ATP8A2: variants seen among roughly 807,000 people sequenced by gnomAD.
The protein encoded by ATP8A2 is ATPase phospholipid transporting 8A2.
A neutral mutation model predicts 165.6 loss-of-function variants in ATP8A2; 100 were observed. The observed-to-expected ratio is 0.60, with a 90% CI of 0.51 to 0.71. ATP8A2 has a LOEUF of 0.71. Ranked by LOEUF, ATP8A2 falls within the 30% of genes least tolerant of loss-of-function variation. ATP8A2 has a pLI of 0.00. For synonymous variants in ATP8A2, 543 were observed against 548.8 expected, an observed-to-expected ratio of 0.99 and a Z score of 0.15; for missense variants, 1,227 against 1,479.5, an observed-to-expected ratio of 0.83 and a Z score of 2.80.
At chr13:25,727,725 A>G (rs936245567) in intron 25 of ATP8A2, among the ~76,000 whole-genome samples, 2 of 152,180 alleles carry the variant, frequency 1.3e-5, no homozygotes, top group African/African-American at 4.8e-5. Context: ...TAGAGAAAAT[A>G]TTTTTTCAAG....
intron 33 of ATP8A2, among the ~76,000 whole-genome samples, chr13:25,883,117 G>A (rs1049527091): frequency 3.9e-5 from 6 of 152,092 alleles, no homozygotes; most frequent in Non-Finnish European, 7.4e-5. Context: ...AGTGGGGCTG[G>A]GCTCTGACCT....
chr13:25,579,857 T>G lies in ATP8A2; in HGVS notation c.1917T>G (p.Tyr639Ter). ...VAYADLSENE[Y>*]EEWLKVYQEA... ...ATGCTGATCTCTCTGAGAATGAGTA[T>G]GAGGAGTGGCTGAAAGTCTATCAGG... Residue 639 changes from tyrosine (Y) to a stop codon, truncating the protein, a stop_gained, in exon 22 of 37, where the codon TAT becomes TAG. Coordinates refer to ENST00000381655, the MANE Select transcript of ATP8A2 (RefSeq NM_016529.6). LOFTEE classifies it high-confidence loss of function. The G allele has an allele frequency of 3.1e-6, 5 of 1,613,988 alleles. No homozygotes were observed. The highest frequency in any genetic ancestry group is 4.2e-6 in the Non-Finnish European group (5 of 1,179,962).
At chr13:25,767,050 C>T (rs753280509) in intron 25 of ATP8A2, among the ~76,000 whole-genome samples, 4 of 152,154 alleles carry the variant, frequency 2.6e-5, no homozygotes, top group African/African-American at 9.7e-5. Flanking sequence ...CATACTCAGG[C>T]CTTTAACTGT....
intron 2 of ATP8A2, among the ~76,000 whole-genome samples, chr13:25,524,487 A>G (rs1439079486): frequency 1.3e-5 from 2 of 152,132 alleles, no homozygotes; most frequent in Admixed American, 6.5e-5. Flanking sequence ...ATTGTATTGC[A>G]GTCTATCTCT....
chr13:25,513,874 T>G (rs2037371059), intron 2 of ATP8A2, among the ~76,000 whole-genome samples: 3 of 151,602 alleles, frequency 2.0e-5, no homozygotes, highest in South Asian at 2.1e-4. Context: ...GGACAATCAG[T>G]CAAGGAGGTT....
chr13:25,406,105 A>G (rs568032543), intron 1 of ATP8A2, among the ~76,000 whole-genome samples: 9 of 152,358 alleles, frequency 5.9e-5, no homozygotes, highest in Admixed American at 3.9e-4. Context: ...GGTCAGGTCT[A>G]TGCAAACTTA....
At chr13:25,870,149 G>A (rs577368902) in intron 33 of ATP8A2, among the ~76,000 whole-genome samples, 2 of 152,264 alleles carry the variant, frequency 1.3e-5, no homozygotes, top group East Asian at 3.9e-4. Context: ...TGTCATTCTG[G>A]CGATAGGTGG....
At chr13:25,853,394 A>ATATATATAT (rs1555278528) in intron 30 of ATP8A2, among the ~76,000 whole-genome samples, 53 of 11,634 alleles carry the variant, frequency 4.6e-3, no homozygotes, top group African/African-American at 5.7e-3. Context: ...CTATCTAAAA[A>ATATATATAT]AAATATATAT....
At chr13:25,778,202 A>G (rs538833209) in intron 27 of ATP8A2, among the ~76,000 whole-genome samples, 3 of 152,218 alleles carry the variant, frequency 2.0e-5, no homozygotes, top group East Asian at 1.9e-4. Flanking sequence ...CAGCTTTCTC[A>G]CTAGCCCATA....
At chr13:25,502,126 A>G (rs1222876861) in intron 2 of ATP8A2, among the ~76,000 whole-genome samples, 2 of 152,330 alleles carry the variant, frequency 1.3e-5, no homozygotes, top group East Asian at 3.9e-4. Context: ...TGCCTCAAAA[A>G]TAAATTCTCA....
chr13:25,745,352 G>T (rs909034535), intron 25 of ATP8A2, among the ~76,000 whole-genome samples: 3 of 152,212 alleles, frequency 2.0e-5, no homozygotes, highest in African/African-American at 7.2e-5. Context: ...AGCCCCATGC[G>T]TTATGCCGTG....
intron 17 of ATP8A2, among the ~76,000 whole-genome samples, 198 bp downstream of exon 17, chr13:25,571,070 C>T (rs543919018): frequency 6.6e-6 from 1 of 152,310 alleles, no homozygotes; most frequent in East Asian, 1.9e-4. Context: ...TCTCATGACT[C>T]TTTTTTAACA....
At chr13:25,699,083 C>A in intron 24 of ATP8A2, 90 bp from the exon 25 acceptor site, 1 of 1,053,932 alleles carries the variant, frequency 9.5e-7, no homozygotes, top group Non-Finnish European at 1.3e-6. Flanking sequence ...TGGGTGTGTT[C>A]TCATTTCAAG....
At chr13:25,437,380 A>C (rs1299276605) in intron 1 of ATP8A2, among the ~76,000 whole-genome samples, 1 of 152,150 alleles carries the variant, frequency 6.6e-6, no homozygotes, top group Admixed American at 6.5e-5. Flanking sequence ...CAATTGATGG[A>C]TTTGGAACAA....
chr13:25,610,042 G>T (rs2040639383), intron 24 of ATP8A2, among the ~76,000 whole-genome samples: 1 of 151,992 alleles, frequency 6.6e-6, no homozygotes. Context: ...AGATTGCAAA[G>T]ATTTTCTCCC....
At chr13:25,617,971 C>T (rs1432592599) in intron 24 of ATP8A2, among the ~76,000 whole-genome samples, 1 of 152,076 alleles carries the variant, frequency 6.6e-6, no homozygotes, top group Non-Finnish European at 1.5e-5. Context: ...TGTTAGAATT[C>T]GTGGCTAGTT....
chr13:25,697,306 G>A (rs924946647), intron 24 of ATP8A2, among the ~76,000 whole-genome samples: 3 of 152,208 alleles, frequency 2.0e-5, no homozygotes, highest in South Asian at 2.1e-4. Context: ...TTGAGACGGA[G>A]CCTCACTCTG....
At chr13:25,768,638 G>A (rs1381001687) in intron 25 of ATP8A2, among the ~76,000 whole-genome samples, 1 of 152,118 alleles carries the variant, frequency 6.6e-6, no homozygotes, top group East Asian at 1.9e-4. Flanking sequence ...GCCAGCCCTA[G>A]GTTGTATATG....
chr13:25,494,467 G>A (rs954451253), intron 2 of ATP8A2, among the ~76,000 whole-genome samples: 2 of 152,152 alleles, frequency 1.3e-5, no homozygotes, highest in Non-Finnish European at 2.9e-5. Flanking sequence ...ATGCTGCAAA[G>A]GGTATGAAAG....
Sources: allele counts gnomAD v4.1 joint callset (sites outside exome capture counted in the v4.1 genomes callset), GRCh38; gene constraint gnomAD v4.1.1; transcripts MANE v1.5; gene names NCBI Gene and HGNC (gene_info 2026-07-23, HGNC 2026-07-21).